COA8: variants seen among roughly 807,000 people sequenced by gnomAD.
COA8 encodes UPF0671 protein C14orf153.
In COA8, 20 loss-of-function variants were observed where a neutral mutation model predicts 22.0. The observed-to-expected ratio is 0.91, with a 90% CI of 0.64 to 1.32. COA8 has a LOEUF of 1.32. COA8 is among the 40% of genes most tolerant of loss of function. COA8 has a pLI of 0.00. For synonymous variants in COA8, 105 were observed against 79.9 expected (o/e 1.31, Z -1.68); for missense variants, 266 against 230.0 (o/e 1.16, Z -1.01).
In COA8 at chr14:103,586,325, G is replaced by A. The variant is rs536317796; in HGVS notation, c.386-949G>A. On this transcript the variant is annotated intron_variant, in intron 3 of 4. Coordinates refer to ENST00000409074, the MANE Select transcript of COA8 (RefSeq NM_001370595.2). Reference sequence around the variant, plus strand: ...TGGGCTCAGGTGACCCTCCTTCCCCGGCCTCTTGAGTAGCTAAGACTACAG... The same window carrying A: ...TGGGCTCAGGTGACCCTCCTTCCCCAGCCTCTTGAGTAGCTAAGACTACAG... Among the ~76,000 whole-genome samples the A allele has an allele frequency of 6.1e-5, 9 of 148,348 alleles. No individual in the cohort carries two copies. In the East Asian group the frequency reaches 6.2e-4, roughly 10 times the overall value.
chr14:103,574,103 T>TTTTTGAA lies in COA8; in HGVS notation c.322-4_322-3insTTTTGAA. The TTTTTGAA allele has an allele frequency of 2.0e-6, 3 of 1,484,222 alleles. No homozygotes were observed. The highest frequency in any genetic ancestry group is 2.7e-6 in the Non-Finnish European group (3 of 1,115,540). 91.9% of individuals were successfully genotyped at this position (1,484,222 alleles called of 1,614,324 possible). On this transcript the variant is annotated splice_region_variant and splice_polypyrimidine_tract_variant and intron_variant, in intron 2 of 4. Transcript: ENST00000409074. The stretch of plus-strand genomic sequence containing the variant: ...CTTTTTTTTTTTTTTTTTTTTTTTT[T>TTTTTGAA]AAGGAAAAAGAAGAATTTATTCACT...
chr14:103,569,625 C>G (rs1004243085), intron 1 of COA8, among the ~76,000 whole-genome samples: 5 of 152,170 alleles, frequency 3.3e-5, no homozygotes, highest in African/African-American at 1.2e-4. Context: ...CTGCAGACAC[C>G]CGGGTCAGCT....
In COA8 at chr14:103,563,051, G is replaced by T. The variant is rs1162136633; in HGVS notation, c.50G>T (p.Arg17Leu). Residue 17 changes from arginine to leucine, a missense_variant, in exon 1 of 5, where the codon CGC becomes CTC. Arg to Leu is a moderately radical substitution (Grantham distance 102). Transcript: ENST00000409074. The part of the protein sequence containing the change: ...GKKTFLPPLC[R>L]AFACRGCQLA... ...AAGACCTTTCTCCCCCCTCTCTGCC[G>T]CGCCTTCGCCTGCCGCGGCTGTCAA... 13 of 1,540,414 alleles carry T rather than the reference G, an allele frequency of 8.4e-6. No individual in the cohort carries two copies. Among genetic ancestry groups the T allele is most frequent in the East Asian group, 2.4e-5 (1 of 41,398 alleles).
intron 3 of COA8, among the ~76,000 whole-genome samples, chr14:103,579,120 A>G (rs919843234): frequency 7.2e-5 from 11 of 152,030 alleles, no homozygotes; most frequent in Non-Finnish European, 1.3e-4. Context: ...TGAGCGCCCT[A>G]TATGTGTATT....
chr14:103,569,014 C>T (rs1358542455), intron 1 of COA8, among the ~76,000 whole-genome samples: 2 of 152,124 alleles, frequency 1.3e-5, no homozygotes, highest in Non-Finnish European at 2.9e-5. Flanking sequence ...AGTAGGAATG[C>T]ACATGTGCCT....
intron 3 of COA8, among the ~76,000 whole-genome samples, chr14:103,585,269 G>T (rs1324351161): frequency 1.3e-5 from 2 of 151,810 alleles, no homozygotes; most frequent in Non-Finnish European, 2.9e-5. Context: ...ACCTGAGGTT[G>T]GGAGTTCGAG....
At chr14:103,564,222 C>T (rs1428370774) in intron 1 of COA8, among the ~76,000 whole-genome samples, 1 of 151,990 alleles carries the variant, frequency 6.6e-6, no homozygotes, top group Non-Finnish European at 1.5e-5. Context: ...TGGGCTGTGG[C>T]TGTTAGTACA....
At chr14:103,573,880 G>A (rs959329420) in intron 2 of COA8, among the ~76,000 whole-genome samples, 8 of 152,008 alleles carry the variant, frequency 5.3e-5, no homozygotes, top group Admixed American at 1.3e-4. Context: ...AACAAACAGC[G>A]TCTCCCAAAG....
At chr14:103,579,825 T>C (rs2076254160) in intron 3 of COA8, among the ~76,000 whole-genome samples, 1 of 150,764 alleles carries the variant, frequency 6.6e-6, no homozygotes, top group Non-Finnish European at 1.5e-5. Context: ...TAGCTGGACG[T>C]GGTGGCGTAT....
At position 103,590,568 on chromosome 14, in the gene COA8, G is replaced by C. The variant is rs999886227; in HGVS notation, c.*282G>C. 3.3e-6 allele frequency: 1 copy of C among 303,984 alleles called. No individual in the cohort carries two copies. Among genetic ancestry groups the C allele is most frequent in the African/African-American group, 2.2e-5 (1 of 45,328 alleles). The allele number at this position is 303,984 out of a possible 1,614,324, so 18.8% of individuals were successfully genotyped here. On this transcript the variant is annotated 3_prime_UTR_variant, in exon 5 of 5. Coordinates refer to ENST00000409074, the MANE Select transcript of COA8 (RefSeq NM_001370595.2). ...TTTCGAATTATACCAATTCAAAACA[G>C]AACTATTTAAAAATATTGGCCAGGC...
chr14:103,587,461 A>G (rs901357969), intron 4 of COA8, 97 bp downstream of exon 4: 11 of 672,574 alleles, frequency 1.6e-5, no homozygotes, highest in South Asian at 3.0e-5. Context: ...TGTTTATATC[A>G]GAGGTAGAAG....
chr14:103,574,326 T>C (rs527603611), intron 3 of COA8, 156 bp downstream of exon 3: 1 of 972,786 alleles, frequency 1.0e-6, no homozygotes, highest in South Asian at 1.3e-5. Flanking sequence ...CAAGTTCTCT[T>C]GCACACCCAG....
intron 4 of COA8, among the ~76,000 whole-genome samples, chr14:103,589,322 A>G (rs1289472464): frequency 6.6e-6 from 1 of 152,144 alleles, no homozygotes; most frequent in Non-Finnish European, 1.5e-5. Flanking sequence ...TCATGACAGC[A>G]TTGCTTAAGT....
chr14:103,578,210 G>A (rs1000196291), intron 3 of COA8, among the ~76,000 whole-genome samples: 2 of 151,876 alleles, frequency 1.3e-5, no homozygotes, highest in Non-Finnish European at 2.9e-5. Context: ...AAATTCATGT[G>A]GGGAAACATG....
intron 1 of COA8, 46 bp downstream of exon 1, chr14:103,563,170 G>A (rs2076101735): frequency 2.6e-6 from 4 of 1,537,672 alleles, no homozygotes; most frequent in African/African-American, 1.4e-5. Context: ...GTGACCGGAA[G>A]GGAAGACAAA....
At position 103,571,713 on chromosome 14, in the gene COA8, A is replaced by C. The variant is rs933296226; in HGVS notation, c.214A>C (p.Ile72Leu). The C allele has an allele frequency of 1.9e-6, 3 of 1,614,076 alleles. No individual in the cohort carries two copies. Among genetic ancestry groups the C allele is most frequent in the South Asian group, 2.2e-5 (2 of 91,092 alleles). ...YSNLRPVHFYIPENESPLEQK... is the reference protein window; with the variant it reads ...YSNLRPVHFYLPENESPLEQK... ...AAACCTTCGACCTGTTCACTTTTAC[A>C]TACCTGAAAATGAATCTCCATTGGA... Residue 72 changes from isoleucine to leucine, a missense_variant, in exon 2 of 5, where the codon ATA becomes CTA. By Grantham distance (5) the Ile-to-Leu change is conservative (BLOSUM62 2). Coordinates refer to ENST00000409074, the MANE Select transcript of COA8 (RefSeq NM_001370595.2).
intron 4 of COA8, among the ~76,000 whole-genome samples, chr14:103,589,420 T>G (rs1297386706): frequency 6.6e-6 from 1 of 152,084 alleles, no homozygotes; most frequent in Non-Finnish European, 1.5e-5. Context: ...GCCCATCACA[T>G]CCCTAAAATG....
chr14:103,572,987 TGGCCA>T (rs1389644667), intron 2 of COA8, among the ~76,000 whole-genome samples: 2 of 151,814 alleles, frequency 1.3e-5, no homozygotes, highest in Non-Finnish European at 2.9e-5. Flanking sequence ...TTCACTCTGT[TGGCCA>T]GGATGGTCTT....
intron 4 of COA8, among the ~76,000 whole-genome samples, chr14:103,588,474 T>TAAAAAA (rs370081517): frequency 7.2e-6 from 1 of 139,234 alleles, no homozygotes; most frequent in African/African-American, 2.6e-5. Context: ...AGTAAGTAAT[T>TAAAAAA]AAAAAAATAT....
Sources: allele counts gnomAD v4.1 joint callset (sites outside exome capture counted in the v4.1 genomes callset), GRCh38; gene constraint gnomAD v4.1.1; transcripts MANE v1.5; gene names NCBI Gene and HGNC (gene_info 2026-07-23, HGNC 2026-07-21).